ADIPOR2: variants seen among roughly 807,000 people sequenced by gnomAD.
ADIPOR2 encodes adiponectin receptor 2.
In ADIPOR2, 18 loss-of-function variants were observed where a neutral mutation model predicts 40.9. The ratio of observed to expected loss-of-function variants is 0.44; its 90% CI spans 0.30 to 0.65. The LOEUF (loss-of-function observed/expected upper bound fraction) is 0.65, where lower values mean the gene tolerates loss of function less well. Ranked by LOEUF, ADIPOR2 falls within the 30% of genes least tolerant of loss-of-function variation. ADIPOR2 has a pLI of 0.09. For synonymous variants in ADIPOR2, 165 were observed against 166.4 expected (o/e 0.99, Z 0.06); for missense variants, 283 against 479.2 (o/e 0.59, Z 3.82).
At position 1,754,267 on chromosome 12, in the gene ADIPOR2, A is replaced by G; in HGVS notation, c.-77A>G. ...ACTTTCATCTTCTTAGGATCAACTCACTATCCTGAAGGTCCATTCTCCCAA... is the reference window on the plus strand; with the variant it reads ...ACTTTCATCTTCTTAGGATCAACTCGCTATCCTGAAGGTCCATTCTCCCAA... On this transcript the variant is annotated 5_prime_UTR_variant, in exon 2 of 8. Coordinates refer to ENST00000357103, the MANE Select transcript of ADIPOR2 (RefSeq NM_024551.3). The G allele has an allele frequency of 7.3e-7, 1 of 1,373,584 alleles. No homozygotes were observed. Among genetic ancestry groups the G allele is most frequent in the Non-Finnish European group, 9.6e-7 (1 of 1,040,078 alleles). The allele number at this position is 1,373,584 out of a possible 1,614,324, so 85.1% of individuals were successfully genotyped here.
chr12:1,693,379 G>A (rs1010820230), intron 1 of ADIPOR2, among the ~76,000 whole-genome samples: 2 of 152,138 alleles, frequency 1.3e-5, no homozygotes, highest in Non-Finnish European at 2.9e-5. Flanking sequence ...AAATTTAAAT[G>A]AGTCAGAAAA....
At chr12:1,785,878 G>C (rs529232610) in intron 7 of ADIPOR2, 66 bp from the exon 8 acceptor site, 21 of 1,580,504 alleles carry the variant, frequency 1.3e-5, no homozygotes, top group Non-Finnish European at 1.8e-5. Context: ...ACGATCCTAA[G>C]AATCTTTAGC....
intron 1 of ADIPOR2, among the ~76,000 whole-genome samples, chr12:1,716,674 T>A (rs895926748): frequency 6.6e-6 from 1 of 152,238 alleles, no homozygotes; most frequent in African/African-American, 2.4e-5. Flanking sequence ...ATGCATCTGG[T>A]TTTGCCAAAT....
At chr12:1,774,472 C>T (rs1862545566) in intron 3 of ADIPOR2, among the ~76,000 whole-genome samples, 1 of 152,196 alleles carries the variant, frequency 6.6e-6, no homozygotes, top group African/African-American at 2.4e-5. Context: ...CATGGCAGTG[C>T]AACTGACCAC....
At chr12:1,740,601 A>G (rs938899791) in intron 1 of ADIPOR2, among the ~76,000 whole-genome samples, 6 of 152,230 alleles carry the variant, frequency 3.9e-5, no homozygotes, top group Admixed American at 3.9e-4. Context: ...TAACATATGA[A>G]TTTTGAGAGG....
At chr12:1,745,543 TTC>T (rs2094753176) in intron 1 of ADIPOR2, among the ~76,000 whole-genome samples, 1 of 152,254 alleles carries the variant, frequency 6.6e-6, no homozygotes, top group Admixed American at 6.5e-5. Context: ...GATGAATTTT[TTC>T]CTAAAAAATT....
chr12:1,713,572 G>A (rs747535845), intron 1 of ADIPOR2, among the ~76,000 whole-genome samples: 28 of 151,992 alleles, frequency 1.8e-4, no homozygotes, highest in African/African-American at 5.3e-4. Flanking sequence ...CAGGCTTCAG[G>A]GTTGATTCCC....
chr12:1,754,305 G>A lies in ADIPOR2; in HGVS notation c.-39G>A. On this transcript the variant is annotated 5_prime_UTR_variant, in exon 2 of 8. Coordinates refer to ENST00000357103, the MANE Select transcript of ADIPOR2 (RefSeq NM_024551.3). ...TCCATTCTCCCAAGAAGAGGGGACA[G>A]AAAGACAGATCTATTTGTAAGAAAG... 1.3e-6 allele frequency: 2 copies of A among 1,534,696 alleles called. No individual in the cohort carries two copies. The highest frequency in any genetic ancestry group is 1.8e-6 in the Non-Finnish European group (2 of 1,141,480).
At chr12:1,740,785 T>A (rs1194908654) in intron 1 of ADIPOR2, among the ~76,000 whole-genome samples, 1 of 152,162 alleles carries the variant, frequency 6.6e-6, no homozygotes, top group Admixed American at 6.5e-5. Context: ...CAAACAAGAT[T>A]TGACACTTAA....
intron 1 of ADIPOR2, among the ~76,000 whole-genome samples, chr12:1,734,585 TC>T (rs2094726682): frequency 6.6e-6 from 1 of 152,256 alleles, no homozygotes; most frequent in Admixed American, 6.5e-5. Context: ...GATGGTAGTT[TC>T]TTTTGCTGTG....
At chr12:1,715,751 A>G (rs1018790348) in intron 1 of ADIPOR2, among the ~76,000 whole-genome samples, 1 of 152,138 alleles carries the variant, frequency 6.6e-6, no homozygotes, top group African/African-American at 2.4e-5. Flanking sequence ...GAGAACTTTG[A>G]TATCTTACAA....
At chr12:1,714,891 C>T (rs899802770) in intron 1 of ADIPOR2, among the ~76,000 whole-genome samples, 1 of 152,060 alleles carries the variant, frequency 6.6e-6, no homozygotes, top group Admixed American at 6.5e-5. Flanking sequence ...ATCTATATAC[C>T]TATCAGGATC....
At chr12:1,776,900 C>T (rs975128506) in intron 3 of ADIPOR2, among the ~76,000 whole-genome samples, 6 of 152,184 alleles carry the variant, frequency 3.9e-5, no homozygotes, top group African/African-American at 1.4e-4. Context: ...GTTTGATCTT[C>T]ATGATTTCCC....
In ADIPOR2 at chr12:1,780,610, C is replaced by T; in HGVS notation, c.623C>T (p.Ser208Leu). 1 of 1,602,560 alleles carries T rather than the reference C, an allele frequency of 6.2e-7. No individual in the cohort carries two copies. Among genetic ancestry groups the T allele is most frequent in the Non-Finnish European group, 8.5e-7 (1 of 1,176,592 alleles). Residue 208 changes from serine (S) to leucine (L), a missense_variant, in exon 5 of 8, where the codon TCA becomes TTA. Coordinates refer to ENST00000357103, the MANE Select transcript of ADIPOR2 (RefSeq NM_024551.3). ...SWLFHTVYCH[S>L]EGVSRLFSKL... ...CTCTTCCACACAGTCTACTGCCACT[C>T]AGAGGGGGTCTCTCGGCTCTTCTCT...
chr12:1,727,534 G>A (rs887354864), intron 1 of ADIPOR2, among the ~76,000 whole-genome samples: 2 of 152,056 alleles, frequency 1.3e-5, no homozygotes, highest in African/African-American at 2.4e-5. Flanking sequence ...TTCCATGGCT[G>A]CCCTCATCCC....
chr12:1,718,123 G>A (rs1409332986), intron 1 of ADIPOR2, among the ~76,000 whole-genome samples: 1 of 151,978 alleles, frequency 6.6e-6, no homozygotes, highest in Non-Finnish European at 1.5e-5. Flanking sequence ...GGGGCATTTG[G>A]ATGTTTCTGA....
chr12:1,718,337 A>T (rs1389393608), intron 1 of ADIPOR2, among the ~76,000 whole-genome samples: 1 of 152,120 alleles, frequency 6.6e-6, no homozygotes, highest in Non-Finnish European at 1.5e-5. Context: ...TTTTTGAAGC[A>T]GAGATCCTAA....
chr12:1,709,646 A>G (rs768518833), intron 1 of ADIPOR2, among the ~76,000 whole-genome samples: 1 of 152,222 alleles, frequency 6.6e-6, no homozygotes, highest in African/African-American at 2.4e-5. Flanking sequence ...GATATTGGAT[A>G]TAAGTGGAGA....
At chr12:1,728,206 G>A (rs1393659463) in intron 1 of ADIPOR2, among the ~76,000 whole-genome samples, 1 of 151,606 alleles carries the variant, frequency 6.6e-6, no homozygotes, top group Non-Finnish European at 1.5e-5. Context: ...TCCGCCTCCC[G>A]GTTTCAAGTG....
Sources: allele counts gnomAD v4.1 joint callset (sites outside exome capture counted in the v4.1 genomes callset), GRCh38; gene constraint gnomAD v4.1.1; transcripts MANE v1.5; gene names NCBI Gene and HGNC (gene_info 2026-07-23, HGNC 2026-07-21).